The following ARMH4 variants were observed in gnomAD, a reference collection of about 807,000 sequenced individuals.
The protein encoded by ARMH4 is armadillo-like helical domain-containing protein 4.
Under a neutral mutation model 61.9 loss-of-function variants are expected in ARMH4, and 49 were observed. The ratio of observed to expected loss-of-function variants is 0.79; its 90% CI spans 0.63 to 1.00. The LOEUF (loss-of-function observed/expected upper bound fraction) is 1.00, where lower values mean the gene tolerates loss of function less well. Among genes scored for constraint, ARMH4 ranks in the 50% least tolerant of loss-of-function variants. The pLI is 0.00. For synonymous variants in ARMH4, 368 were observed against 341.5 expected (o/e 1.08, Z -0.85); for missense variants, 934 against 930.0 (o/e 1.00, Z -0.06).
chr14:58,021,492 G>A (rs1366607050), intron 5 of ARMH4, among the ~76,000 whole-genome samples: 3 of 152,176 alleles, frequency 2.0e-5, no homozygotes, highest in Non-Finnish European at 2.9e-5. Context: ...AAGTTGCACT[G>A]TCTCAGGTAT....
intron 1 of ARMH4, among the ~76,000 whole-genome samples, chr14:58,145,108 C>T (rs1887694816): frequency 6.6e-6 from 1 of 152,174 alleles, no homozygotes; most frequent in Non-Finnish European, 1.5e-5. Context: ...GGCCTAAAAC[C>T]TTGGCCCACA....
chr14:58,073,760 C>T (rs968693402), intron 5 of ARMH4, among the ~76,000 whole-genome samples: 1 of 152,166 alleles, frequency 6.6e-6, no homozygotes, highest in African/African-American at 2.4e-5. Context: ...GGAAACCACC[C>T]GGAAGCCCTA....
At chr14:58,040,161 AT>A (rs1022114366) in intron 5 of ARMH4, among the ~76,000 whole-genome samples, 78 of 150,462 alleles carry the variant, frequency 5.2e-4, no homozygotes, top group South Asian at 6.3e-4. Flanking sequence ...CCCTAAATTG[AT>A]TTTTTTTTTA....
chr14:58,084,111 G>C (rs749053607), intron 5 of ARMH4, among the ~76,000 whole-genome samples: 6 of 152,200 alleles, frequency 3.9e-5, no homozygotes, highest in Non-Finnish European at 8.8e-5. Flanking sequence ...TCCCAGGACA[G>C]TCCTGGGGAG....
In ARMH4 at chr14:58,131,475, C is replaced by T. The variant is rs1471995245; in HGVS notation, c.1831+37G>A. ...AACATTTGCTCAGTGACTCACTCAACCAGTCCTTGAAAAGATCCCCTTCAA... is the reference window on the plus strand; with the variant it reads ...AACATTTGCTCAGTGACTCACTCAATCAGTCCTTGAAAAGATCCCCTTCAA... On this transcript the variant is annotated intron_variant, in intron 4 of 7. Coordinates refer to ENST00000267485, the MANE Select transcript of ARMH4 (RefSeq NM_001001872.4). The T allele has an allele frequency of 4.6e-6, 7 of 1,534,746 alleles. No individual in the cohort carries two copies. In the African/African-American group the frequency reaches 5.5e-5, roughly 12 times the overall value.
intron 3 of ARMH4, among the ~76,000 whole-genome samples, chr14:58,132,461 T>TC (rs58728535): frequency 0.092 from 13,888 of 151,314 alleles, 995 homozygotes; most frequent in African/African-American, 0.2. Context: ...TTTCACCTCA[T>TC]CCCCCCCGGC....
chr14:58,053,005 G>A (rs556207357), intron 5 of ARMH4, among the ~76,000 whole-genome samples: 42 of 151,660 alleles, frequency 2.8e-4, no homozygotes, highest in Middle Eastern at 3.4e-3. Context: ...CCCTTCCCTC[G>A]CTCTCAAGAT....
In ARMH4 at chr14:58,041,015, G is replaced by A. The variant is rs550899065; in HGVS notation, c.2090-28865C>T. Among the ~76,000 whole-genome samples, 5 of 152,338 alleles carry A rather than the reference G, an allele frequency of 3.3e-5. No individual in the cohort carries two copies. In the South Asian group the frequency reaches 1.0e-3, roughly 32 times the overall value. ...AGATGGCTGAACAGGAACAGCTCCA[G>A]TCTACAGCTCCCAGCGTGAGCGACG... is the stretch of plus-strand genomic sequence containing the variant. On this transcript the variant is annotated intron_variant, in intron 5 of 7. Coordinates refer to ENST00000267485, the MANE Select transcript of ARMH4 (RefSeq NM_001001872.4).
chr14:58,032,648 A>C (rs990416310), intron 5 of ARMH4, among the ~76,000 whole-genome samples: 6 of 151,662 alleles, frequency 4.0e-5, no homozygotes, highest in African/African-American at 7.2e-5. Flanking sequence ...TACCGGGTTC[A>C]TCTCACTAGG....
rs186381441 is a variant in ARMH4 at position 58,090,532 on chromosome 14, G to A, written c.2089+6192C>T. ...ATGTGACCTAATCTCAGCCAAGCAG[G>A]GGCATGATATAGTCTACTGGGGGAT... On this transcript the variant is annotated intron_variant, in intron 5 of 7. Coordinates refer to ENST00000267485, the MANE Select transcript of ARMH4 (RefSeq NM_001001872.4). 2.0e-5 allele frequency among the ~76,000 whole-genome samples: 3 copies of A among 152,134 alleles called. No homozygotes were observed. In the East Asian group the frequency reaches 5.8e-4, roughly 30 times the overall value.
intron 5 of ARMH4, among the ~76,000 whole-genome samples, chr14:58,062,320 C>G (rs558201592): frequency 1.4e-4 from 21 of 152,290 alleles, no homozygotes; most frequent in African/African-American, 5.1e-4. Flanking sequence ...GCCTGAGTGA[C>G]AGAGTAAGAC....
At chr14:58,055,989 C>T (rs1884333955) in intron 5 of ARMH4, among the ~76,000 whole-genome samples, 2 of 152,328 alleles carry the variant, frequency 1.3e-5, no homozygotes, top group Non-Finnish European at 2.9e-5. Context: ...GCCTGAAAGG[C>T]TAAAGGATTT....
intron 5 of ARMH4, among the ~76,000 whole-genome samples, chr14:58,089,104 C>G (rs1885475615): frequency 6.6e-6 from 1 of 152,196 alleles, no homozygotes; most frequent in Non-Finnish European, 1.5e-5. Flanking sequence ...TACCATCTCT[C>G]TTTGTGCTGG....
At chr14:58,095,203 G>C (rs1885707416) in intron 5 of ARMH4, among the ~76,000 whole-genome samples, 2 of 152,114 alleles carry the variant, frequency 1.3e-5, no homozygotes, top group South Asian at 4.1e-4. Context: ...AGGCAACCCT[G>C]TCTCCCTCGC....
intron 5 of ARMH4, among the ~76,000 whole-genome samples, chr14:58,085,592 T>C (rs568778324): frequency 1.3e-5 from 2 of 152,250 alleles, no homozygotes; most frequent in African/African-American, 4.8e-5. Context: ...AATTTTCCCA[T>C]AAGAAATGCA....
At chr14:58,131,822 T>C (rs760491039) in intron 3 of ARMH4, 101 bp from the exon 4 acceptor site, 22 of 1,123,132 alleles carry the variant, frequency 2.0e-5, no homozygotes, top group Non-Finnish European at 2.7e-5. Flanking sequence ...TAAACCAATA[T>C]CATACAATAC....
At chr14:58,017,499 A>G (rs2141141438) in intron 5 of ARMH4, among the ~76,000 whole-genome samples, 2 of 152,328 alleles carry the variant, frequency 1.3e-5, no homozygotes, top group Non-Finnish European at 1.5e-5. Flanking sequence ...CCAACAAATT[A>G]TCTAAAACAG....
At chr14:58,089,237 T>A (rs1205352226) in intron 5 of ARMH4, among the ~76,000 whole-genome samples, 1 of 152,230 alleles carries the variant, frequency 6.6e-6, no homozygotes, top group Non-Finnish European at 1.5e-5. Context: ...CAAAATACAC[T>A]GACATTTGTT....
At chr14:58,015,462 G>A (rs991963565) in intron 5 of ARMH4, among the ~76,000 whole-genome samples, 3 of 152,080 alleles carry the variant, frequency 2.0e-5, no homozygotes, top group East Asian at 1.9e-4. Context: ...ACCCCGGAGC[G>A]CCATGCCTTG....
Sources: allele counts gnomAD v4.1 joint callset (sites outside exome capture counted in the v4.1 genomes callset), GRCh38; gene constraint gnomAD v4.1.1; transcripts MANE v1.5; gene names NCBI Gene and HGNC (gene_info 2026-07-23, HGNC 2026-07-21).